The following CAMK2B variants were observed in gnomAD, a reference collection of about 807,000 sequenced individuals.
The protein encoded by CAMK2B is calcium/calmodulin-dependent protein kinase type II subunit beta.
Under a neutral mutation model 93.7 loss-of-function variants are expected in CAMK2B, and 27 were observed. That is an observed-to-expected ratio of 0.29 (90% CI 0.21 to 0.40). The LOEUF is 0.40. Among genes scored for constraint, CAMK2B ranks in the 10% least tolerant of loss-of-function variants. CAMK2B has a pLI of 1.00. For missense variants in CAMK2B, 568 were observed against 895.8 expected (o/e 0.63, Z 4.67); for synonymous variants, 374 against 358.8 (o/e 1.04, Z -0.48).
rs185180941 is a variant in CAMK2B, at chr7:44,255,343, T to C, written c.276-736A>G. ...TGAAGGGCCTCTGGGAGCCGGGTAA[T>C]GTGGGCATGGAACAAAAAGGTGGAG... On this transcript the variant is annotated intron_variant, in intron 4 of 23. Coordinates refer to ENST00000395749, the MANE Select transcript of CAMK2B (RefSeq NM_001220.5). Among the ~76,000 whole-genome samples the C allele has an allele frequency of 2.6e-3, 392 of 152,252 alleles. 2 individuals carry two copies. Among genetic ancestry groups the C allele is most frequent in the African/African-American group, 8.8e-3 (364 of 41,534 alleles).
rs2096462036 is a variant in CAMK2B, at chr7:44,225,354, G to A, written c.1597+1162C>T. On this transcript the variant is annotated intron_variant, in intron 20 of 23. Transcript: ENST00000395749. The surrounding 1 kb of genome is among the most constrained non-coding windows in gnomAD (Gnocchi z 5.0). ...GTGTCGGGGGTTCTGACCACTCCCA[G>A]AGGCTCTGCGGTGCACCCACCCCAG... Among the ~76,000 whole-genome samples, 1 of 152,128 alleles carries A rather than the reference G, an allele frequency of 6.6e-6. No individual in the cohort carries two copies. Among genetic ancestry groups the A allele is most frequent in the Admixed American group, 6.5e-5 (1 of 15,280 alleles).
chr7:44,246,571 C>A (rs2096732656), intron 6 of CAMK2B, among the ~76,000 whole-genome samples: 3 of 152,188 alleles, frequency 2.0e-5, no homozygotes, highest in East Asian at 3.8e-4. Flanking sequence ...ACAGTCCCCA[C>A]ACACGTGCAT....
chr7:44,272,616 G>A (rs556577796), intron 2 of CAMK2B, among the ~76,000 whole-genome samples: 7 of 152,206 alleles, frequency 4.6e-5, no homozygotes, highest in South Asian at 2.1e-4. Flanking sequence ...CAACCATGTC[G>A]GCAGCACCCT....
chr7:44,242,932 G>A (rs1213633095), intron 8 of CAMK2B, among the ~76,000 whole-genome samples: 1 of 152,146 alleles, frequency 6.6e-6, no homozygotes, highest in African/African-American at 2.4e-5. Flanking sequence ...ACCCAAGGAG[G>A]TGGCCCTGCC....
intron 1 of CAMK2B, among the ~76,000 whole-genome samples, chr7:44,313,873 T>C (rs1584914191): frequency 6.6e-6 from 1 of 151,332 alleles, no homozygotes; most frequent in Non-Finnish European, 1.5e-5. Context: ...GATGCTCCAG[T>C]GACAAGGCTT....
At position 44,315,112 on chromosome 7, in the gene CAMK2B, G is replaced by A. The variant is rs567091638; in HGVS notation, c.65+10245C>T. Reference sequence around the variant, plus strand: ...CCAACAGCAAAACTATTTTTCTTTCGTTGTTTATGCTTGTGGTGTCATATC... The same window carrying A: ...CCAACAGCAAAACTATTTTTCTTTCATTGTTTATGCTTGTGGTGTCATATC... On this transcript the variant is annotated intron_variant, in intron 1 of 23. Transcript: ENST00000395749. 8.5e-4 allele frequency among the ~76,000 whole-genome samples: 129 copies of A among 152,082 alleles called. 1 individual carries two copies. Among genetic ancestry groups the A allele is most frequent in the African/African-American group, 2.5e-3 (105 of 41,478 alleles).
intron 15 of CAMK2B, 79 bp downstream of exon 15, chr7:44,234,311 C>T (rs577328192): frequency 5.9e-5 from 77 of 1,314,238 alleles, no homozygotes; most frequent in Admixed American, 3.2e-4. Flanking sequence ...CACCTTCACC[C>T]GGCCCCCTCT....
chr7:44,274,728 G>A (rs1205346584), intron 2 of CAMK2B, among the ~76,000 whole-genome samples: 1 of 152,250 alleles, frequency 6.6e-6, no homozygotes, highest in Non-Finnish European at 1.5e-5. Context: ...CGGGTGGCCT[G>A]GAGGGAGCAA....
chr7:44,235,833 A>C (rs1420227374), intron 13 of CAMK2B, among the ~76,000 whole-genome samples: 1 of 152,156 alleles, frequency 6.6e-6, no homozygotes, highest in Non-Finnish European at 1.5e-5. Context: ...TCCCTCCCCC[A>C]CCGCCTGGCT....
At chr7:44,280,783 C>T (rs1018356527) in intron 2 of CAMK2B, among the ~76,000 whole-genome samples, 1 of 152,160 alleles carries the variant, frequency 6.6e-6, no homozygotes, top group Non-Finnish European at 1.5e-5. Flanking sequence ...CACAGACACA[C>T]CCCAGAACAT....
At chr7:44,277,527 G>A (rs1290846649) in intron 2 of CAMK2B, among the ~76,000 whole-genome samples, 5 of 152,296 alleles carry the variant, frequency 3.3e-5, no homozygotes, top group Middle Eastern at 6.8e-3. Context: ...GAGCCTTGAA[G>A]GACCAAGGCC....
At chr7:44,308,487 C>T (rs1475079181) in intron 1 of CAMK2B, among the ~76,000 whole-genome samples, 1 of 152,106 alleles carries the variant, frequency 6.6e-6, no homozygotes, top group Non-Finnish European at 1.5e-5. Flanking sequence ...CACAGCTTGC[C>T]TTCCCTGATT....
At chr7:44,302,616 T>C (rs949269695) in intron 1 of CAMK2B, among the ~76,000 whole-genome samples, 1 of 152,140 alleles carries the variant, frequency 6.6e-6, no homozygotes, top group Non-Finnish European at 1.5e-5. Context: ...AAATTAATTA[T>C]TATAATCCAA....
intron 2 of CAMK2B, among the ~76,000 whole-genome samples, chr7:44,283,728 C>T (rs993635346): frequency 4.6e-5 from 7 of 152,360 alleles, no homozygotes; most frequent in South Asian, 2.1e-4. Context: ...GGGCAGATGA[C>T]ACCACCCAAC....
At chr7:44,250,593 G>A (rs1435544876) in intron 5 of CAMK2B, among the ~76,000 whole-genome samples, 29 of 148,622 alleles carry the variant, frequency 2.0e-4, no homozygotes, top group African/African-American at 5.2e-4. Context: ...GCAGTGGCGC[G>A]AACTCGGCTC....
chr7:44,282,739 C>T (rs867959542), intron 2 of CAMK2B, among the ~76,000 whole-genome samples: 5 of 152,248 alleles, frequency 3.3e-5, no homozygotes, highest in Non-Finnish European at 7.3e-5. Context: ...GGCACAGGCC[C>T]GCCCCCACAG....
At chr7:44,240,853 T>TGACAA in intron 11 of CAMK2B, 104 bp from the exon 12 acceptor site, 1 of 1,231,326 alleles carries the variant, frequency 8.1e-7, no homozygotes, top group Non-Finnish European at 1.2e-6. Context: ...CTCAGCCTCA[T>TGACAA]TGTCATGAGG....
chr7:44,243,225 C>T (rs1028266630), intron 8 of CAMK2B, 25 bp downstream of exon 8: 23 of 1,585,932 alleles, frequency 1.5e-5, no homozygotes, highest in East Asian at 4.5e-5. Flanking sequence ...GGCCCTGCCC[C>T]GCACCAACTC....
intron 13 of CAMK2B, among the ~76,000 whole-genome samples, chr7:44,235,242 T>G (rs1467212109): frequency 6.6e-6 from 1 of 152,232 alleles, no homozygotes; most frequent in Non-Finnish European, 1.5e-5. Context: ...ATTGGCTCCT[T>G]GGCTCAGGCA....
Sources: allele counts gnomAD v4.1 joint callset (sites outside exome capture counted in the v4.1 genomes callset), GRCh38; gene constraint gnomAD v4.1.1; non-coding constraint Gnocchi (gnomAD v3.1); transcripts MANE v1.5; gene names NCBI Gene and HGNC (gene_info 2026-07-23, HGNC 2026-07-21).